RAPGEF4: variants seen among roughly 807,000 people sequenced by gnomAD.
The protein encoded by RAPGEF4 is Rap guanine nucleotide exchange factor 4, also known as RAP guanine-nucleotide-exchange factor (GEF) 4.
RAPGEF4 carries 66 observed loss-of-function variants against 147.9 expected under a neutral mutation model. That is an observed-to-expected ratio of 0.45 (90% CI 0.37 to 0.55). The LOEUF is 0.55. Ranked by LOEUF, RAPGEF4 falls within the 20% of genes least tolerant of loss-of-function variation. The probability of loss-of-function intolerance (pLI) is 0.00; values close to 1 mark genes in which losing one functional copy is unlikely to be tolerated. For missense variants in RAPGEF4, 1,071 were observed against 1,257.3 expected (o/e 0.85, Z 2.24); for synonymous variants, 419 against 442.7 (o/e 0.95, Z 0.67).
At chr2:172,796,805 G>T (rs1686421373) in intron 2 of RAPGEF4, among the ~76,000 whole-genome samples, 1 of 152,194 alleles carries the variant, frequency 6.6e-6, no homozygotes, top group African/African-American at 2.4e-5. Context: ...GACTTTAAGT[G>T]TGAAGAGGAT....
chr2:172,735,881 G>A lies in RAPGEF4; in HGVS notation c.-103G>A. 1 of 1,032,516 alleles carries A rather than the reference G, an allele frequency of 9.7e-7. No individual in the cohort carries two copies. The highest frequency in any genetic ancestry group is 3.0e-5 in the South Asian group (1 of 33,728). The allele number at this position is 1,032,516 out of a possible 1,614,324, so 64.0% of individuals were successfully genotyped here. ...AGCCGCGCTGGTCGCCAGGCGTCCGGGAGGAGCGGGGTCCGCGCGGCGGAC... is the reference window on the plus strand; with the variant it reads ...AGCCGCGCTGGTCGCCAGGCGTCCGAGAGGAGCGGGGTCCGCGCGGCGGAC... On this transcript the variant is annotated 5_prime_UTR_variant, in exon 1 of 31. Coordinates refer to ENST00000397081, the MANE Select transcript of RAPGEF4 (RefSeq NM_007023.4).
At chr2:172,804,454 C>T (rs115942568) in intron 3 of RAPGEF4, among the ~76,000 whole-genome samples, 261 of 152,272 alleles carry the variant, frequency 1.7e-3, no homozygotes, top group African/African-American at 5.9e-3. Context: ...ATTTCAGGAA[C>T]TTTCTTTGGT....
chr2:172,943,484 A>T (rs1024729136), intron 6 of RAPGEF4, among the ~76,000 whole-genome samples: 3 of 152,200 alleles, frequency 2.0e-5, no homozygotes, highest in African/African-American at 7.2e-5. Flanking sequence ...GTATTCAATA[A>T]GATAACTGAT....
intron 2 of RAPGEF4, 121 bp downstream of exon 2, chr2:172,795,288 A>C: frequency 2.0e-6 from 2 of 1,006,866 alleles, no homozygotes; most frequent in Non-Finnish European, 2.9e-6. Context: ...TTCAACCAAA[A>C]GTATTAAGGT....
chr2:172,761,113 T>C (rs1015786151), intron 1 of RAPGEF4, among the ~76,000 whole-genome samples: 1 of 150,830 alleles, frequency 6.6e-6, no homozygotes, highest in African/African-American at 2.4e-5. Context: ...CTTTTTTTTT[T>C]TTTAATTTTT....
intron 4 of RAPGEF4, among the ~76,000 whole-genome samples, chr2:172,888,430 T>A (rs1559099373): frequency 6.6e-6 from 1 of 152,204 alleles, no homozygotes; most frequent in East Asian, 1.9e-4. Flanking sequence ...AGCATGTTAA[T>A]TGGAGAGTTA....
rs576658937 is a variant in RAPGEF4 at position 172,879,946 on chromosome 2, C to G, written c.445-37856C>G. On this transcript the variant is annotated intron_variant, in intron 4 of 30. Coordinates refer to ENST00000397081, the MANE Select transcript of RAPGEF4 (RefSeq NM_007023.4). ...GGTGGGTGGTACAACAAAAGCTTTTCCTTTTTATTTTGGTAGTGGTTGGTC... is the reference window on the plus strand; with the variant it reads ...GGTGGGTGGTACAACAAAAGCTTTTGCTTTTTATTTTGGTAGTGGTTGGTC... 4.6e-5 allele frequency among the ~76,000 whole-genome samples: 7 copies of G among 152,272 alleles called. No homozygotes were observed. In the South Asian group the frequency reaches 1.5e-3, roughly 32 times the overall value.
In RAPGEF4 at chr2:172,781,768, C is replaced by T. The variant is rs990241746; in HGVS notation, c.66-13257C>T. Among the ~76,000 whole-genome samples, 8 of 152,106 alleles carry T rather than the reference C, an allele frequency of 5.3e-5. No individual in the cohort carries two copies. The East Asian group carries it at 1.2e-3, about 22-fold the overall frequency. ...CACACACACACAACCTAATACAACA[C>T]CTAATATATAACCTACACATACCCT... is the stretch of plus-strand genomic sequence containing the variant. On this transcript the variant is annotated intron_variant, in intron 1 of 30. Transcript: ENST00000397081.
At chr2:172,808,293 G>T (rs568993605) in intron 3 of RAPGEF4, among the ~76,000 whole-genome samples, 1 of 152,186 alleles carries the variant, frequency 6.6e-6, no homozygotes, top group Non-Finnish European at 1.5e-5. Context: ...GATAAATTAA[G>T]AGGTGATTAG....
chr2:172,907,329 T>C (rs1414022440), intron 4 of RAPGEF4, among the ~76,000 whole-genome samples: 1 of 152,258 alleles, frequency 6.6e-6, no homozygotes, highest in Non-Finnish European at 1.5e-5. Context: ...ATCCCTTCTT[T>C]CTGCCTTCCC....
Position 173,052,097 on chromosome 2 carries a change from C to T in RAPGEF4, c.*330C>T. The T allele has an allele frequency of 5.8e-6, 1 of 172,002 alleles. No individual in the cohort carries two copies. Among genetic ancestry groups the T allele is most frequent in the African/African-American group, 2.4e-5 (1 of 42,288 alleles). 10.7% of individuals were successfully genotyped at this position (172,002 alleles called of 1,614,324 possible). On this transcript the variant is annotated 3_prime_UTR_variant, in exon 31 of 31. Transcript: ENST00000397081. ...GAAATAGCCTTGTCAAGAGAACTAG[C>T]AAGCCCCTGACATTTTTTTCTAAGA...
intron 4 of RAPGEF4, among the ~76,000 whole-genome samples, chr2:172,831,362 G>A (rs1022982317): frequency 1.5e-5 from 2 of 135,596 alleles, no homozygotes; most frequent in Non-Finnish European, 3.1e-5. Flanking sequence ...TTTGCCTCCC[G>A]GGTTCAAGCA....
chr2:172,760,643 G>A (rs546244842), intron 1 of RAPGEF4, among the ~76,000 whole-genome samples: 26 of 151,970 alleles, frequency 1.7e-4, no homozygotes, highest in East Asian at 5.8e-4. Context: ...GCATGAACCC[G>A]GGAGGCGGAG....
chr2:172,861,294 A>G (rs1168127674), intron 4 of RAPGEF4, among the ~76,000 whole-genome samples: 1 of 152,266 alleles, frequency 6.6e-6, no homozygotes, highest in Non-Finnish European at 1.5e-5. Flanking sequence ...GTGAGCATAC[A>G]GCATACACTG....
At chr2:172,779,723 G>A (rs191650616) in intron 1 of RAPGEF4, among the ~76,000 whole-genome samples, 1 of 152,306 alleles carries the variant, frequency 6.6e-6, no homozygotes, top group East Asian at 1.9e-4. Context: ...GACTCCAAGA[G>A]GGCAAGGGTG....
intron 3 of RAPGEF4, among the ~76,000 whole-genome samples, chr2:172,811,294 C>T (rs1687997240): frequency 6.6e-6 from 1 of 152,272 alleles, no homozygotes. Context: ...GCTCCAGCAG[C>T]ATCTGCTAAA....
chr2:172,969,735 T>C (rs186307170), intron 10 of RAPGEF4, among the ~76,000 whole-genome samples: 1 of 152,366 alleles, frequency 6.6e-6, no homozygotes, highest in East Asian at 1.9e-4. Context: ...TGCTGTATGC[T>C]AGGAACATTC....
At chr2:172,957,478 T>C (rs1185909397) in intron 6 of RAPGEF4, among the ~76,000 whole-genome samples, 1 of 152,256 alleles carries the variant, frequency 6.6e-6, no homozygotes, top group Non-Finnish European at 1.5e-5. Flanking sequence ...GGATGTGGCC[T>C]GCCTGTCAGG....
rs576239423 is a variant in RAPGEF4 at position 172,861,594 on chromosome 2, A to T, written c.444+47169A>T. Among the ~76,000 whole-genome samples, 6 of 152,328 alleles carry T rather than the reference A, an allele frequency of 3.9e-5. No individual in the cohort carries two copies. In the East Asian group the frequency reaches 1.2e-3, roughly 29 times the overall value. Reference sequence around the variant, plus strand: ...TCTTGTTAGGAAAGAATAAACCTTGACCAAACTGCAGGGTTCTATACACTA... The same window carrying T: ...TCTTGTTAGGAAAGAATAAACCTTGTCCAAACTGCAGGGTTCTATACACTA... On this transcript the variant is annotated intron_variant, in intron 4 of 30. Transcript: ENST00000397081.
Sources: gnomAD v4.1 joint callset for allele counts (sites outside exome capture counted in the v4.1 genomes callset) on GRCh38, gnomAD v4.1.1 for gene constraint, MANE v1.5 for transcripts, NCBI Gene and HGNC (gene_info 2026-07-23, HGNC 2026-07-21) for gene names.